The following CUX2 variants were observed in gnomAD, a reference collection of about 807,000 sequenced individuals.
The protein encoded by CUX2 is homeobox protein cut-like 2.
CUX2 carries 40 observed loss-of-function variants against 144.8 expected under a neutral mutation model. The observed-to-expected ratio is 0.28, with a 90% CI of 0.21 to 0.36. The LOEUF is 0.36. Among genes scored for constraint, CUX2 ranks in the 10% least tolerant of loss-of-function variants. The pLI, the probability that CUX2 is intolerant of heterozygous loss-of-function variation, is 1.00. For missense variants in CUX2, 1,615 were observed against 1,994.0 expected (o/e 0.81, Z 3.62); for synonymous variants, 827 against 875.6 (o/e 0.94, Z 0.98).
At position 111,304,687 on chromosome 12, in the gene CUX2, G is replaced by A. The variant is rs973960894; in HGVS notation, c.858+373G>A. Among the ~76,000 whole-genome samples, 6 of 152,156 alleles carry A rather than the reference G, an allele frequency of 3.9e-5. No homozygotes were observed. Among genetic ancestry groups the A allele is most frequent in the African/African-American group, 1.4e-4 (6 of 41,444 alleles). The stretch of plus-strand genomic sequence containing the variant: ...TTCCAGATGCACCAGCAAAGACATG[G>A]GGGAGAGGGAGTTTGAGGCAATACA... On this transcript the variant is annotated intron_variant, in intron 10 of 21. Transcript: ENST00000261726. The surrounding 1 kb of genome is among the most constrained non-coding windows in gnomAD (Gnocchi z 4.7).
chr12:111,217,171 A>T (rs1881584289), intron 2 of CUX2, among the ~76,000 whole-genome samples: 1 of 152,200 alleles, frequency 6.6e-6, no homozygotes, highest in Non-Finnish European at 1.5e-5. Context: ...AAGCCAGGAA[A>T]TTAGAGTCTG....
intron 9 of CUX2, among the ~76,000 whole-genome samples, chr12:111,302,374 T>A (rs1886334114): frequency 6.6e-6 from 1 of 152,186 alleles, no homozygotes; most frequent in South Asian, 2.1e-4. Context: ...TCTACCAAAT[T>A]GCATTTGGCC....
At chr12:111,297,544 T>C (rs374972094) in intron 8 of CUX2, among the ~76,000 whole-genome samples, 3 of 152,310 alleles carry the variant, frequency 2.0e-5, no homozygotes, top group African/African-American at 7.2e-5. Context: ...TCTGGGCCCC[T>C]GGGACTGTCC....
intron 1 of CUX2, among the ~76,000 whole-genome samples, chr12:111,203,705 G>A (rs1880751876): frequency 6.6e-6 from 1 of 152,074 alleles, no homozygotes; most frequent in Non-Finnish European, 1.5e-5. Context: ...GAGCAGAGGA[G>A]GAACAGGATA....
chr12:111,038,601 A>G (rs1023708084), intron 1 of CUX2, among the ~76,000 whole-genome samples: 3 of 152,274 alleles, frequency 2.0e-5, no homozygotes, highest in African/African-American at 7.2e-5. Context: ...CTGCAGAAAG[A>G]GCTAGAAACA....
chr12:111,045,191 A>G (rs1869936597), intron 1 of CUX2, among the ~76,000 whole-genome samples: 2 of 152,166 alleles, frequency 1.3e-5, no homozygotes, highest in Non-Finnish European at 2.9e-5. Flanking sequence ...CTGGACAGTG[A>G]TCCCAGGGTT....
At chr12:111,064,266 C>G (rs1870933401) in intron 1 of CUX2, among the ~76,000 whole-genome samples, 3 of 152,198 alleles carry the variant, frequency 2.0e-5, no homozygotes, top group Admixed American at 2.0e-4. Flanking sequence ...GAGGGTTTGA[C>G]TCTGGGTTCC....
In CUX2 at chr12:111,178,860, C is replaced by T. The variant is rs947692561; in HGVS notation, c.64-35340C>T. Among the ~76,000 whole-genome samples the T allele has an allele frequency of 2.6e-5, 4 of 151,988 alleles. No homozygotes were observed. Among genetic ancestry groups the T allele is most frequent in the African/African-American group, 4.8e-5 (2 of 41,364 alleles). ...ATATCCCAGGGCTGAGCTGGAAGAC[C>T]GTGTGCATGTGCCAGGTCCAGGAGC... On this transcript the variant is annotated intron_variant, in intron 1 of 21. Transcript: ENST00000261726. This position sits in a 1 kb window ranked among gnomAD's most constrained non-coding sequence, Gnocchi z 5.7.
intron 1 of CUX2, among the ~76,000 whole-genome samples, chr12:111,131,889 C>G (rs948597962): frequency 6.6e-6 from 1 of 152,214 alleles, no homozygotes; most frequent in South Asian, 2.1e-4. Flanking sequence ...ACAGCTCTTC[C>G]AGGCTCACAG....
At chr12:111,074,138 C>A (rs189690907) in intron 1 of CUX2, among the ~76,000 whole-genome samples, 3 of 151,900 alleles carry the variant, frequency 2.0e-5, no homozygotes, top group African/African-American at 4.9e-5. Context: ...ATCCAGCAAT[C>A]GGCTTAATTC....
At position 111,243,373 on chromosome 12, in the gene CUX2, A is replaced by G. The variant is rs1592873804; in HGVS notation, c.223-20388A>G. ...CAATATGATCTACCCTCAAAATTTT[A>G]ATAGTACTTTCTTAATGTCATCAAA... On this transcript the variant is annotated intron_variant, in intron 3 of 21. Transcript: ENST00000261726. Among the ~76,000 whole-genome samples the G allele has an allele frequency of 3.3e-5, 5 of 152,190 alleles. No individual in the cohort carries two copies. In the South Asian group the frequency reaches 1.0e-3, roughly 32 times the overall value.
chr12:111,234,858 A>C (rs1246071399), intron 3 of CUX2, among the ~76,000 whole-genome samples: 1 of 152,030 alleles, frequency 6.6e-6, no homozygotes, highest in African/African-American at 2.4e-5. Flanking sequence ...AGCTGGGACT[A>C]CAGGCACACA....
At chr12:111,170,202 G>A (rs958844700) in intron 1 of CUX2, among the ~76,000 whole-genome samples, 1 of 152,064 alleles carries the variant, frequency 6.6e-6, no homozygotes, top group African/African-American at 2.4e-5. Context: ...CACTTTGGGA[G>A]GCAGATCACC....
chr12:111,101,074 A>G (rs544750625), intron 1 of CUX2, among the ~76,000 whole-genome samples: 6 of 152,338 alleles, frequency 3.9e-5, no homozygotes, highest in East Asian at 1.9e-4. Context: ...GATAAAAACA[A>G]TGGGTGTTTT....
intron 1 of CUX2, among the ~76,000 whole-genome samples, chr12:111,079,345 T>A (rs1293125629): frequency 6.6e-6 from 1 of 152,192 alleles, no homozygotes; most frequent in Non-Finnish European, 1.5e-5. Context: ...ATTGTCCACA[T>A]CATCTGCGAC....
Position 111,277,483 on chromosome 12 carries a change from G to A in CUX2, c.301+13644G>A, listed in dbSNP as rs970315637. Among the ~76,000 whole-genome samples the A allele has an allele frequency of 1.3e-4, 19 of 151,844 alleles. No homozygotes were observed. The highest frequency in any genetic ancestry group is 6.8e-3 in the Middle Eastern group (2 of 294). ...CTGCTAGCTGCCTCATTAGGGCTCC[G>A]CGGAGACACCACTCCCCTCACCAGG... On this transcript the variant is annotated intron_variant, in intron 4 of 21. Coordinates refer to ENST00000261726, the MANE Select transcript of CUX2 (RefSeq NM_015267.4). This position sits in a 1 kb window ranked among gnomAD's most constrained non-coding sequence, Gnocchi z 5.0.
rs376759807 is a variant in CUX2, at chr12:111,307,101, G to A, written c.1039G>A (p.Glu347Lys). 2.5e-5 allele frequency: 41 copies of A among 1,612,898 alleles called. No individual in the cohort carries two copies. The highest frequency in any genetic ancestry group is 1.5e-4 in the Admixed American group (9 of 59,954). The change falls in exon 11 of 22, where the codon GAG becomes AAG. Residue 347 changes from glutamate to lysine, a missense_variant. Physicochemically the swap from Glu to Lys is moderately conservative, Grantham distance 56. Coordinates refer to ENST00000261726, the MANE Select transcript of CUX2 (RefSeq NM_015267.4). The surrounding 1 kb of genome is among the most constrained non-coding windows in gnomAD (Gnocchi z 4.1). ...DLERQLTAKS[E>K]AIEKLEEKLQ... The stretch of plus-strand genomic sequence containing the variant: ...GGAGCGGCAGCTCACGGCCAAGTCC[G>A]AGGCCATAGAAGTGGGTCCTGGGGA...
intron 1 of CUX2, among the ~76,000 whole-genome samples, chr12:111,073,165 C>G (rs757508208): frequency 2.7e-5 from 4 of 150,580 alleles, no homozygotes; most frequent in Admixed American, 6.6e-5. Context: ...GAGGCTCCTT[C>G]GTATCCCTTC....
At chr12:111,182,377 CTTTTACATACAGCCCG>C (rs910293609) in intron 1 of CUX2, among the ~76,000 whole-genome samples, 3 of 152,338 alleles carry the variant, frequency 2.0e-5, no homozygotes, top group African/African-American at 7.2e-5. Flanking sequence ...TAGGCATTCT[CTTTTACATACAGCCCG>C]GCGGCCAGCA....
Sources: allele counts gnomAD v4.1 joint callset (sites outside exome capture counted in the v4.1 genomes callset), GRCh38; gene constraint gnomAD v4.1.1; non-coding constraint Gnocchi (gnomAD v3.1); transcripts MANE v1.5; gene names NCBI Gene and HGNC (gene_info 2026-07-23, HGNC 2026-07-21).